The following RHOBTB1 variants were observed in gnomAD, a reference collection of about 807,000 sequenced individuals.
The protein encoded by RHOBTB1 is rho-related BTB domain-containing protein 1.
RHOBTB1 carries 40 observed loss-of-function variants against 71.6 expected under a neutral mutation model. That is an observed-to-expected ratio of 0.56 (90% confidence interval 0.43 to 0.73). The LOEUF is 0.73. Ranked by LOEUF, RHOBTB1 falls within the 30% of genes least tolerant of loss-of-function variation. The pLI is 0.00. For synonymous variants in RHOBTB1, 319 were observed against 334.9 expected, an observed-to-expected ratio of 0.95 and a Z score of 0.52; for missense variants, 797 against 894.0, an observed-to-expected ratio of 0.89 and a Z score of 1.38.
chr10:61,000,891 C>T (rs558901376), intron 1 of RHOBTB1, among the ~76,000 whole-genome samples: 2 of 152,154 alleles, frequency 1.3e-5, no homozygotes, highest in African/African-American at 4.8e-5. Context: ...AAAAATCAAT[C>T]CCGCATCACC....
intron 5 of RHOBTB1, among the ~76,000 whole-genome samples, chr10:60,891,723 T>C (rs551858790): frequency 1.3e-5 from 2 of 152,224 alleles, no homozygotes; most frequent in African/African-American, 4.8e-5. Flanking sequence ...TAAAAAAACA[T>C]AAAAAGTTGT....
At chr10:60,944,569 C>G (rs1340072906), upstream of RHOBTB1, among the ~76,000 whole-genome samples, 1 of 152,184 alleles carries the variant, frequency 6.6e-6, no homozygotes, top group Non-Finnish European at 1.5e-5. Flanking sequence ...TCCCCGTACC[C>G]CTGCCCCAAC....
intron 2 of RHOBTB1, among the ~76,000 whole-genome samples, chr10:60,966,030 A>T (rs1159380601): frequency 1.3e-5 from 2 of 152,186 alleles, no homozygotes; most frequent in Non-Finnish European, 2.9e-5. Context: ...ATAGGTCTGA[A>T]AAAATCAGAC....
intron 2 of RHOBTB1, among the ~76,000 whole-genome samples, chr10:60,975,784 T>C (rs141513070): frequency 1.0e-3 from 156 of 152,196 alleles, no homozygotes; most frequent in African/African-American, 3.4e-3. Flanking sequence ...GAATAATATA[T>C]ACAAAGATGA....
rs1187899068 is a variant in RHOBTB1 at position 60,869,866 on chromosome 10, C to T, written c.*1616G>A. 6.6e-6 allele frequency: 1 copy of T among 152,614 alleles called. No homozygotes were observed. The highest frequency in any genetic ancestry group is 2.4e-5 in the African/African-American group (1 of 41,436). 9.5% of individuals were successfully genotyped at this position (152,614 alleles called of 1,614,324 possible). On this transcript the variant is annotated 3_prime_UTR_variant, in exon 11 of 11. Transcript: ENST00000337910. ...CAAGGTGATGCATTTCTGGGCCTCT[C>T]CTAAGATCTTCTATCTGGTGTTTCC... is the stretch of plus-strand genomic sequence containing the variant.
At chr10:60,893,614 A>G (rs1249421053) in intron 4 of RHOBTB1, among the ~76,000 whole-genome samples, 1 of 152,204 alleles carries the variant, frequency 6.6e-6, no homozygotes, top group Non-Finnish European at 1.5e-5. Flanking sequence ...GCAAGAAGGT[A>G]ATATTTAACA....
chr10:60,936,228 T>TGG (rs1219921464), intron 2 of RHOBTB1, among the ~76,000 whole-genome samples: 1 of 152,232 alleles, frequency 6.6e-6, no homozygotes, highest in Non-Finnish European at 1.5e-5. Flanking sequence ...AGCATTTATA[T>TGG]GGGAGCTGCA....
rs73266031 is a variant in RHOBTB1 at position 60,934,697 on chromosome 10, C to T, written c.-11+7107G>A. 2.6e-5 allele frequency among the ~76,000 whole-genome samples: 4 copies of T among 152,180 alleles called. No homozygotes were observed. In the East Asian group the frequency reaches 7.7e-4, roughly 29 times the overall value. ...CTTAATGATCAGCTGCCAAATTTAG[C>T]CTTTGGCTCCATGTCCACTGTGTCT... On this transcript the variant is annotated intron_variant, in intron 2 of 10. Coordinates refer to ENST00000337910, the MANE Select transcript of RHOBTB1 (RefSeq NM_014836.5).
At chr10:60,887,624 G>A (rs2081650158) in intron 6 of RHOBTB1, among the ~76,000 whole-genome samples, 1 of 152,214 alleles carries the variant, frequency 6.6e-6, no homozygotes, top group African/African-American at 2.4e-5. Context: ...CAGGGCCAAG[G>A]AGCATGAGGA....
chr10:60,953,070 G>T (rs2085469137), intron 2 of RHOBTB1, among the ~76,000 whole-genome samples: 1 of 152,138 alleles, frequency 6.6e-6, no homozygotes. Flanking sequence ...GTGCCAGCAA[G>T]GTCAGGTTGA....
chr10:60,929,512 C>T (rs1166762761), intron 2 of RHOBTB1, among the ~76,000 whole-genome samples: 1 of 151,760 alleles, frequency 6.6e-6, no homozygotes, highest in East Asian at 1.9e-4. Flanking sequence ...AAATTAAATA[C>T]TAAAAACAAA....
intron 2 of RHOBTB1, among the ~76,000 whole-genome samples, chr10:60,917,973 T>C (rs1237084634): frequency 6.6e-6 from 1 of 152,194 alleles, no homozygotes. Flanking sequence ...CAAAAACAAA[T>C]GTACACGCAT....
In RHOBTB1 at chr10:60,888,198, C is replaced by T. The variant is rs778223902; in HGVS notation, c.1456+14G>A. The stretch of plus-strand genomic sequence containing the variant: ...ATCAAAGGTATTAATGGCTCTGCCC[C>T]GCGGCCCACTCACCCGAGAACGTTC... On this transcript the variant is annotated intron_variant, in intron 6 of 10. Coordinates refer to ENST00000337910, the MANE Select transcript of RHOBTB1 (RefSeq NM_014836.5). 2 of 1,607,636 alleles carry T rather than the reference C, an allele frequency of 1.2e-6. No individual in the cohort carries two copies. Among genetic ancestry groups the T allele is most frequent in the Non-Finnish European group, 1.7e-6 (2 of 1,176,516 alleles).
At position 60,910,955 on chromosome 10, in the gene RHOBTB1, C is replaced by T; in HGVS notation, c.228G>A (p.Val76=). The T allele has an allele frequency of 6.2e-7, 1 of 1,614,120 alleles. No individual in the cohort carries two copies. The highest frequency in any genetic ancestry group is 8.5e-7 in the Non-Finnish European group (1 of 1,180,006). Residue 76 remains valine (V), a synonymous_variant, in exon 4 of 11, where the codon GTG becomes GTA. Coordinates refer to ENST00000337910, the MANE Select transcript of RHOBTB1 (RefSeq NM_014836.5). ...LERSRDVVDE[V]SVSLRLWDTF... The stretch of plus-strand genomic sequence containing the variant: ...TATCCCAAAGCCTGAGAGAAACACT[C>T]ACTTCATCAACAACATCCCGAGAAC...
At chr10:60,933,679 T>C (rs1196636540) in intron 2 of RHOBTB1, among the ~76,000 whole-genome samples, 2 of 151,310 alleles carry the variant, frequency 1.3e-5, no homozygotes, top group African/African-American at 4.9e-5. Context: ...CCAGCCTAGG[T>C]GAGAGTGAGA....
chr10:60,880,509 C>T (rs2081283013), intron 7 of RHOBTB1, among the ~76,000 whole-genome samples: 1 of 152,004 alleles, frequency 6.6e-6, no homozygotes, highest in African/African-American at 2.4e-5. Context: ...GAAATTTATC[C>T]CCCACTTTCA....
downstream of RHOBTB1, among the ~76,000 whole-genome samples, chr10:60,867,002 C>T (rs1417207563): frequency 2.6e-5 from 4 of 152,162 alleles, no homozygotes; most frequent in Non-Finnish European, 5.9e-5. Context: ...GCTGAGCACA[C>T]AGGTTCCATT....
In RHOBTB1 at chr10:60,893,230, T is replaced by C. The variant is rs577824804; in HGVS notation, c.297-235A>G. ...TCCATATTGCACTGCAGAATGCTGA[T>C]GCATTGACGTTTCCGATGAAGTTAT... On this transcript the variant is annotated intron_variant, in intron 4 of 10. Transcript: ENST00000337910. Among the ~76,000 whole-genome samples, 84 of 152,302 alleles carry C rather than the reference T, an allele frequency of 5.5e-4. No individual in the cohort carries two copies. The South Asian group carries it at 0.017, about 30-fold the overall frequency.
chr10:60,962,677 C>T (rs781094450), intron 2 of RHOBTB1, among the ~76,000 whole-genome samples: 2 of 152,078 alleles, frequency 1.3e-5, no homozygotes, highest in African/African-American at 2.4e-5. Flanking sequence ...TTCTGTCCTT[C>T]GGTAAAGTCT....
Sources: gnomAD v4.1 joint callset for allele counts (sites outside exome capture counted in the v4.1 genomes callset) on GRCh38, gnomAD v4.1.1 for gene constraint, MANE v1.5 for transcripts, NCBI Gene and HGNC (gene_info 2026-07-23, HGNC 2026-07-21) for gene names.